The following BICD1 variants were observed in gnomAD, a reference collection of about 807,000 sequenced individuals.
The protein encoded by BICD1 is protein bicaudal D homolog 1.
Under a neutral mutation model 92.5 loss-of-function variants are expected in BICD1, and 35 were observed. The observed-to-expected ratio is 0.38, with a 90% CI of 0.29 to 0.50. The LOEUF is 0.50. Among genes scored for constraint, BICD1 ranks in the 20% least tolerant of loss-of-function variants. The pLI is 0.93. For synonymous variants in BICD1, 429 were observed against 465.1 expected, an observed-to-expected ratio of 0.92 and a Z score of 1.00; for missense variants, 950 against 1,189.8, an observed-to-expected ratio of 0.80 and a Z score of 2.97.
chr12:32,333,889 T>C (rs1194812911), intron 5 of BICD1, among the ~76,000 whole-genome samples: 3 of 152,208 alleles, frequency 2.0e-5, no homozygotes, highest in African/African-American at 7.2e-5. Context: ...TTATGGAGAT[T>C]TTGAAGGAAT....
chr12:32,339,652 G>A (rs1938284514), intron 8 of BICD1: 1 of 985,028 alleles, frequency 1.0e-6, no homozygotes, highest in Non-Finnish European at 1.2e-6. Flanking sequence ...GTGACATATG[G>A]CAAATAGAGA....
intron 1 of BICD1, among the ~76,000 whole-genome samples, chr12:32,180,738 T>C (rs1044366152): frequency 6.6e-6 from 1 of 152,038 alleles, no homozygotes; most frequent in Admixed American, 6.6e-5. Flanking sequence ...TGTAAACATT[T>C]TGTTAATAAT....
chr12:32,143,150 TATACAGAAA>T (rs1409810142), intron 1 of BICD1, among the ~76,000 whole-genome samples: 2 of 152,196 alleles, frequency 1.3e-5, no homozygotes, highest in Admixed American at 1.3e-4. Flanking sequence ...ATATACCATA[TATACAGAAA>T]AAGTGCACAA....
intron 2 of BICD1, among the ~76,000 whole-genome samples, chr12:32,281,974 C>T (rs763742589): frequency 6.6e-6 from 1 of 152,106 alleles, no homozygotes; most frequent in Non-Finnish European, 1.5e-5. Context: ...CCAATAAACA[C>T]ACAAAGAAAT....
chr12:32,337,844 G>C lies in BICD1; in HGVS notation c.2570+28G>C. The C allele has an allele frequency of 1.3e-6, 2 of 1,599,752 alleles. No homozygotes were observed. Among genetic ancestry groups the C allele is most frequent in the African/African-American group, 2.7e-5 (2 of 74,748 alleles). On this transcript the variant is annotated intron_variant, in intron 7 of 9. Transcript: ENST00000652176. This position sits in a 1 kb window ranked among gnomAD's most constrained non-coding sequence, Gnocchi z 4.7. ...ATGCATGCAGCGATCTTCATAGTACGGTGCAGTGGCCAGATTTTAGTTAAC... is the reference window on the plus strand; with the variant it reads ...ATGCATGCAGCGATCTTCATAGTACCGTGCAGTGGCCAGATTTTAGTTAAC...
chr12:32,289,176 G>A (rs61929060), intron 2 of BICD1, among the ~76,000 whole-genome samples: 4 of 152,214 alleles, frequency 2.6e-5, no homozygotes, highest in Non-Finnish European at 5.9e-5. Context: ...GCCAGATCAT[G>A]TGACTTCTTT....
chr12:32,196,837 G>C (rs911135728), intron 1 of BICD1, among the ~76,000 whole-genome samples: 1 of 152,100 alleles, frequency 6.6e-6, no homozygotes, highest in Admixed American at 6.5e-5. Context: ...ATTTGATTGT[G>C]GTAGTCAGTA....
At chr12:32,227,954 G>T (rs369941658) in intron 2 of BICD1, 6 of 208,348 alleles carry the variant, frequency 2.9e-5, no homozygotes, top group Admixed American at 2.3e-4. Flanking sequence ...CATCACGAAG[G>T]CTTCATGGAG....
At chr12:32,251,492 T>TC (rs11430617) in intron 2 of BICD1, among the ~76,000 whole-genome samples, 99,737 of 152,024 alleles carry the variant, frequency 0.66, 33,243 homozygotes, top group African/African-American at 0.77. Flanking sequence ...TAGGGAAGAA[T>TC]CTTTTCCTTG....
intron 1 of BICD1, among the ~76,000 whole-genome samples, chr12:32,191,774 A>G (rs1383415982): frequency 6.6e-6 from 1 of 151,442 alleles, no homozygotes; most frequent in Non-Finnish European, 1.5e-5. Flanking sequence ...GCTTTGGGGT[A>G]TCACAGACTG....
intron 2 of BICD1, among the ~76,000 whole-genome samples, chr12:32,285,400 C>G (rs1435962289): frequency 6.6e-6 from 1 of 152,072 alleles, no homozygotes; most frequent in Admixed American, 6.5e-5. Context: ...CCCACCTAAC[C>G]AAGCTATTAT....
rs1292903142 is a variant in BICD1 at position 32,381,384 on chromosome 12, TA to T, written c.*3761del. 1.3e-5 allele frequency: 2 copies of T among 152,068 alleles called. No individual in the cohort carries two copies. The highest frequency in any genetic ancestry group is 2.9e-5 in the Non-Finnish European group (2 of 67,956). 9.4% of individuals were successfully genotyped at this position (152,068 alleles called of 1,614,324 possible). A position where few individuals can be genotyped will look rare whatever the true frequency, so the allele number is the denominator to read the frequency against. ...ACACATTTCAGATTTCGTCTTTATT[TA>T]AAAGGATCTTCAGTCTACAACATTT... On this transcript the variant is annotated 3_prime_UTR_variant, in exon 10 of 10. Transcript: ENST00000652176.
In BICD1 at chr12:32,381,517, T is replaced by A. The variant is rs1263407131; in HGVS notation, c.*3890T>A. 1.3e-5 allele frequency: 2 copies of A among 152,150 alleles called. No homozygotes were observed. Among genetic ancestry groups the A allele is most frequent in the Non-Finnish European group, 2.9e-5 (2 of 67,988 alleles). The allele number at this position is 152,150 out of a possible 1,614,324, so 9.4% of individuals were successfully genotyped here. On this transcript the variant is annotated 3_prime_UTR_variant, in exon 10 of 10. Transcript: ENST00000652176. ...CTAAGAATGTGGAGATTTCTTGATA[T>A]TCTGTATTAATTAAAGTTCTCTACA...
chr12:32,324,451 C>CT (rs1395745601), intron 4 of BICD1, among the ~76,000 whole-genome samples: 1 of 152,000 alleles, frequency 6.6e-6, no homozygotes, highest in Non-Finnish European at 1.5e-5. Context: ...GATCACCTTC[C>CT]AACATTTTAT....
chr12:32,339,151 A>G, intron 8 of BICD1, 172 bp downstream of exon 8: 3 of 1,329,800 alleles, frequency 2.3e-6, no homozygotes, highest in Non-Finnish European at 9.5e-7. Flanking sequence ...TTCCTCCTTC[A>G]CTCATATTCC....
chr12:32,108,889 G>C (rs1335209615), intron 1 of BICD1: 1 of 481,440 alleles, frequency 2.1e-6, no homozygotes, highest in Non-Finnish European at 3.7e-6. Context: ...AGCTGGACTT[G>C]TTTATATTTT....
chr12:32,366,410 AG>A (rs1240915454), intron 8 of BICD1, among the ~76,000 whole-genome samples: 5 of 152,346 alleles, frequency 3.3e-5, no homozygotes, highest in Non-Finnish European at 5.9e-5. Context: ...ACCTGAGGTC[AG>A]GAGTTCAAGA....
chr12:32,107,233 T>G lies in BICD1; in HGVS notation c.-99T>G. On this transcript the variant is annotated 5_prime_UTR_variant, in exon 1 of 10. Transcript: ENST00000652176. ...CATCCGGCCGCACTTTCTTTTCCGT[T>G]TCCACCCATCCCTTCCCATTTCCTT... 8.6e-7 allele frequency: 1 copy of G among 1,168,576 alleles called. No homozygotes were observed. Among genetic ancestry groups the G allele is most frequent in the Middle Eastern group, 2.1e-4 (1 of 4,814 alleles). The allele number at this position is 1,168,576 out of a possible 1,614,324, so 72.4% of individuals were successfully genotyped here. A position where few individuals can be genotyped will look rare whatever the true frequency, so the allele number is the denominator to read the frequency against.
chr12:32,185,598 G>A (rs746094544), intron 1 of BICD1, among the ~76,000 whole-genome samples: 26 of 152,206 alleles, frequency 1.7e-4, no homozygotes, highest in Non-Finnish European at 1.5e-5. Flanking sequence ...AGCAGCACAT[G>A]TCATGGCACT....
Sources: gnomAD v4.1 joint callset for allele counts (sites outside exome capture counted in the v4.1 genomes callset) on GRCh38, gnomAD v4.1.1 for gene constraint, Gnocchi (gnomAD v3.1) non-coding constraint, MANE v1.5 for transcripts, NCBI Gene and HGNC (gene_info 2026-07-23, HGNC 2026-07-21) for gene names.